Variants in SYNRG observed in about 807,000 individuals in gnomAD.
SYNRG encodes the protein AP1 gamma subunit binding protein 1.
In SYNRG, 37 loss-of-function variants were observed where a neutral mutation model predicts 130.9. The ratio of observed to expected loss-of-function variants is 0.28; its 90% CI spans 0.22 to 0.37. SYNRG has a LOEUF of 0.37. Ranked by LOEUF, SYNRG falls within the 10% of genes least tolerant of loss-of-function variation. SYNRG has a pLI of 1.00. For synonymous variants in SYNRG, 539 were observed against 568.1 expected (o/e 0.95, Z 0.73); for missense variants, 1,338 against 1,588.9 (o/e 0.84, Z 2.68).
At chr17:37,520,713 C>T in intron 19 of SYNRG, 65 bp from the exon 20 acceptor site, 1 of 1,336,678 alleles carries the variant, frequency 7.5e-7, no homozygotes, top group Non-Finnish European at 1.1e-6. Flanking sequence ...ACTTCACTCC[C>T]TCATCACTCA....
At position 37,517,679 on chromosome 17, in the gene SYNRG, A is replaced by T. The variant is rs1274182565; in HGVS notation, c.*1261T>A. ...CAAGACCAACTTTTTCAGTTTAAAA[A>T]TAAAAGTCTAGGTCAGAGGGTCTAA... is the stretch of plus-strand genomic sequence containing the variant. On this transcript the variant is annotated 3_prime_UTR_variant, in exon 22 of 22. Coordinates refer to ENST00000612223, the MANE Select transcript of SYNRG (RefSeq NM_007247.6). 6.6e-6 allele frequency: 1 copy of T among 152,208 alleles called. No homozygotes were observed. The highest frequency in any genetic ancestry group is 1.5e-5 in the Non-Finnish European group (1 of 68,036). 9.4% of individuals were successfully genotyped at this position (152,208 alleles called of 1,614,324 possible).
chr17:37,520,410 C>CT, intron 20 of SYNRG, 128 bp downstream of exon 20: 1 of 1,111,352 alleles, frequency 9.0e-7, no homozygotes, highest in Non-Finnish European at 1.3e-6. Context: ...CTCCTACCAT[C>CT]AGCTTTTAGG....
intron 1 of SYNRG, among the ~76,000 whole-genome samples, chr17:37,604,444 A>C (rs2063568789): frequency 6.6e-6 from 1 of 152,056 alleles, no homozygotes; most frequent in African/African-American, 2.4e-5. Context: ...TTCCTCACCT[A>C]TTTCTCAGCC....
intron 11 of SYNRG, among the ~76,000 whole-genome samples, chr17:37,564,867 T>C (rs994989942): frequency 6.6e-6 from 1 of 152,280 alleles, no homozygotes; most frequent in Non-Finnish European, 1.5e-5. Flanking sequence ...TTTGCTTCTG[T>C]ATTTCTCATG....
intron 14 of SYNRG, among the ~76,000 whole-genome samples, chr17:37,548,310 TATC>T (rs1208212605): frequency 1.8e-4 from 27 of 152,200 alleles, no homozygotes; most frequent in African/African-American, 6.5e-4. Context: ...AGGAAGCACA[TATC>T]ATAAATAAAA....
intron 19 of SYNRG, among the ~76,000 whole-genome samples, chr17:37,523,656 T>A (rs111895257): frequency 0.02 from 3,023 of 152,224 alleles, 56 homozygotes; most frequent in Middle Eastern, 0.031. Context: ...GGAGGTGAGA[T>A]CATCAGCTGT....
At chr17:37,544,730 CAGA>C (rs1568335063) in intron 14 of SYNRG, among the ~76,000 whole-genome samples, 2 of 152,058 alleles carry the variant, frequency 1.3e-5, no homozygotes, top group Non-Finnish European at 2.9e-5. Flanking sequence ...TTAAAGGGAC[CAGA>C]AGGTGTCCAG....
chr17:37,541,844 C>G (rs1377050865), intron 15 of SYNRG, 128 bp downstream of exon 15: 2 of 897,570 alleles, frequency 2.2e-6, no homozygotes, highest in South Asian at 1.8e-5. Context: ...CTGTAATTGA[C>G]CCTGATTTCA....
chr17:37,549,220 C>T (rs999202459), intron 14 of SYNRG, among the ~76,000 whole-genome samples: 1 of 151,672 alleles, frequency 6.6e-6, no homozygotes, highest in African/African-American at 2.4e-5. Context: ...ATTAAAGCCT[C>T]AAAACATAAG....
chr17:37,518,607 A>C lies in SYNRG; in HGVS notation c.*333T>G. 3.9e-6 allele frequency: 1 copy of C among 255,236 alleles called. No individual in the cohort carries two copies. Among genetic ancestry groups the C allele is most frequent in the Non-Finnish European group, 7.5e-6 (1 of 133,872 alleles). 15.8% of individuals were successfully genotyped at this position (255,236 alleles called of 1,614,324 possible). On this transcript the variant is annotated 3_prime_UTR_variant, in exon 22 of 22. Coordinates refer to ENST00000612223, the MANE Select transcript of SYNRG (RefSeq NM_007247.6). ...TCGCCCATTCTAGTCCCGCAACGGT[A>C]ATCTATTTTTCTTCAAATGTCAGTT...
In SYNRG at chr17:37,535,912, T is replaced by C. The variant is rs949112209; in HGVS notation, c.3666+67A>G. 8.1e-6 allele frequency: 13 copies of C among 1,596,486 alleles called. No individual in the cohort carries two copies. In the South Asian group the frequency reaches 8.8e-5, roughly 11 times the overall value. ...TCTAATAAGTACCATCATAGGAATATACACTCTGCTTTACAACTTAGGTTT... is the reference window on the plus strand; with the variant it reads ...TCTAATAAGTACCATCATAGGAATACACACTCTGCTTTACAACTTAGGTTT... On this transcript the variant is annotated intron_variant, in intron 19 of 21. Coordinates refer to ENST00000612223, the MANE Select transcript of SYNRG (RefSeq NM_007247.6).
At chr17:37,534,416 A>G (rs1348378730) in intron 19 of SYNRG, among the ~76,000 whole-genome samples, 2 of 151,800 alleles carry the variant, frequency 1.3e-5, no homozygotes, top group Non-Finnish European at 2.9e-5. Context: ...GTAGAGACGG[A>G]GTTTTGACAT....
intron 19 of SYNRG, among the ~76,000 whole-genome samples, chr17:37,524,755 TG>T: frequency 6.6e-6 from 1 of 152,364 alleles, no homozygotes; most frequent in Non-Finnish European, 1.5e-5. Flanking sequence ...AAACATGCTC[TG>T]GAAGTGAAAA....
chr17:37,599,868 G>A (rs1045678789), intron 2 of SYNRG, among the ~76,000 whole-genome samples: 1 of 152,118 alleles, frequency 6.6e-6, no homozygotes, highest in Non-Finnish European at 1.5e-5. Context: ...AAAAATAGCA[G>A]TGTAAAACAA....
Position 37,585,310 on chromosome 17 carries a change from G to A in SYNRG, c.477+15C>T. On this transcript the variant is annotated intron_variant, in intron 5 of 21. Transcript: ENST00000612223. ...GTGTGTATGTTCTGGGTGAAGAGAA[G>A]TATTGAAATACTACCTTGGGTTTCA... 1 of 1,598,588 alleles carries A rather than the reference G, an allele frequency of 6.3e-7. No homozygotes were observed. Among genetic ancestry groups the A allele is most frequent in the Non-Finnish European group, 8.6e-7 (1 of 1,168,518 alleles).
At chr17:37,556,129 G>C (rs2059103729) in intron 13 of SYNRG, among the ~76,000 whole-genome samples, 1 of 151,832 alleles carries the variant, frequency 6.6e-6, no homozygotes, top group Admixed American at 6.6e-5. Context: ...TCTTAAATTG[G>C]CATATAAAAT....
chr17:37,596,124 T>C, intron 3 of SYNRG, 99 bp downstream of exon 3: 2 of 1,354,560 alleles, frequency 1.5e-6, no homozygotes, highest in Non-Finnish European at 2.0e-6. Context: ...TTTATGCTTA[T>C]TTCTAATTGT....
Position 37,518,789 on chromosome 17 carries a change from CG to C in SYNRG, c.*150del, listed in dbSNP as rs2054619978. On this transcript the variant is annotated 3_prime_UTR_variant, in exon 22 of 22. Coordinates refer to ENST00000612223, the MANE Select transcript of SYNRG (RefSeq NM_007247.6). ...TTTACCTGAAGTCCTGCAGACTGGC[CG>C]TGGGGATGACGGGGGCCCCGTCCCT... 1.0e-6 allele frequency: 1 copy of C among 992,154 alleles called. No homozygotes were observed. The highest frequency in any genetic ancestry group is 1.6e-5 in the African/African-American group (1 of 61,468). The allele number at this position is 992,154 out of a possible 1,614,324, so 61.5% of individuals were successfully genotyped here. A position where few individuals can be genotyped will look rare whatever the true frequency, so the allele number is the denominator to read the frequency against.
chr17:37,532,212 AAC>A (rs1345110959), intron 19 of SYNRG, among the ~76,000 whole-genome samples: 2 of 152,216 alleles, frequency 1.3e-5, no homozygotes, highest in Non-Finnish European at 2.9e-5. Flanking sequence ...AAAGATGAAA[AAC>A]ACAGTCTTGA....
Sources: allele counts gnomAD v4.1 joint callset (sites outside exome capture counted in the v4.1 genomes callset), GRCh38; gene constraint gnomAD v4.1.1; transcripts MANE v1.5; gene names NCBI Gene and HGNC (gene_info 2026-07-23, HGNC 2026-07-21).